The following FMN2 variants were observed in gnomAD, a reference collection of about 807,000 sequenced individuals.
FMN2 encodes formin-2.
Under a neutral mutation model 142.3 loss-of-function variants are expected in FMN2, and 51 were observed. The ratio of observed to expected loss-of-function variants is 0.36; its 90% confidence interval spans 0.29 to 0.45. The LOEUF (loss-of-function observed/expected upper bound fraction) is 0.45, where lower values mean the gene tolerates loss of function less well. FMN2 is among the 20% of genes least tolerant of loss of function. The pLI is 1.00. For synonymous variants in FMN2, 882 were observed against 869.8 expected (o/e 1.01, Z -0.25); for missense variants, 1,936 against 2,122.8 (o/e 0.91, Z 1.73).
intron 15 of FMN2, among the ~76,000 whole-genome samples, chr1:240,413,882 C>T (rs144887799): frequency 7.4e-4 from 113 of 152,266 alleles, no homozygotes; most frequent in African/African-American, 2.3e-3. Flanking sequence ...TAACAACTGC[C>T]GTGAGGCTCC....
intron 6 of FMN2, among the ~76,000 whole-genome samples, chr1:240,248,826 C>A (rs959793768): frequency 6.6e-6 from 1 of 151,916 alleles, no homozygotes; most frequent in Non-Finnish European, 1.5e-5. Flanking sequence ...TGATGTTGAG[C>A]AGTTTTTTTC....
At position 240,252,953 on chromosome 1, in the gene FMN2, C is replaced by CTTTTTTTTTTTTT. The variant is rs59902639; in HGVS notation, c.4066-4987_4066-4975dup. Among the ~76,000 whole-genome samples, 426 of 65,296 alleles carry CTTTTTTTTTTTTT rather than the reference C, an allele frequency of 6.5e-3. 108 individuals carry two copies. The highest frequency in any genetic ancestry group is 0.024 in the African/African-American group (350 of 14,718). The allele number at this position is 65,296 out of a possible 152,430, so 42.8% of individuals were successfully genotyped here. A position where few individuals can be genotyped will look rare whatever the true frequency, so the allele number is the denominator to read the frequency against. On this transcript the variant is annotated intron_variant, in intron 6 of 17. Transcript: ENST00000319653. ...CCCATGTGTGATGTAGTCTTGTTCACTTTTTTTTTTTTTTTTTGGAGACAG... is the reference window on the plus strand; with the variant it reads ...CCCATGTGTGATGTAGTCTTGTTCACTTTTTTTTTTTTTTTTTTTTTTTTTTTTTTGGAGACAG...
At chr1:240,222,205 A>G (rs1380648092) in intron 6 of FMN2, among the ~76,000 whole-genome samples, 1 of 152,084 alleles carries the variant, frequency 6.6e-6, no homozygotes, top group African/African-American at 2.4e-5. Context: ...AGTTTTCTGC[A>G]TATGGCTGCC....
At chr1:240,094,504 C>A (rs1368979488) in intron 1 of FMN2, among the ~76,000 whole-genome samples, 1 of 152,122 alleles carries the variant, frequency 6.6e-6, no homozygotes, top group South Asian at 2.1e-4. Flanking sequence ...TAGACTCATA[C>A]CCAGGGCGGC....
chr1:240,355,781 T>A, intron 13 of FMN2, 35 bp from the exon 14 acceptor site: 1 of 1,488,994 alleles, frequency 6.7e-7, no homozygotes, highest in Non-Finnish European at 9.3e-7. Flanking sequence ...CCACTAACAG[T>A]GTGACACTCT....
At chr1:240,304,745 A>T (rs1670320591) in intron 8 of FMN2, among the ~76,000 whole-genome samples, 2 of 152,164 alleles carry the variant, frequency 1.3e-5, no homozygotes, top group South Asian at 2.1e-4. Flanking sequence ...TTGGAAGGTG[A>T]GGACATTGGG....
chr1:240,270,648 G>T (rs549608752), intron 7 of FMN2, among the ~76,000 whole-genome samples: 2 of 151,852 alleles, frequency 1.3e-5, no homozygotes, highest in Non-Finnish European at 2.9e-5. Context: ...TATACACAAT[G>T]AAATACAATT....
In FMN2 at chr1:240,297,244, T is replaced by C. The variant is rs75620259; in HGVS notation, c.4215+2361T>C. Among the ~76,000 whole-genome samples the C allele has an allele frequency of 3.1e-3, 469 of 152,310 alleles. 3 individuals are homozygous for C. Among genetic ancestry groups the C allele is most frequent in the African/African-American group, 0.011 (445 of 41,568 alleles). On this transcript the variant is annotated intron_variant, in intron 8 of 17. Transcript: ENST00000319653. ...CTTATTTACACTTGATGTATTTATG[T>C]GTAGAAATATACCCAGAAAATACAG...
At chr1:240,346,551 G>A (rs958973805) in intron 13 of FMN2, among the ~76,000 whole-genome samples, 1 of 152,198 alleles carries the variant, frequency 6.6e-6, no homozygotes, top group Non-Finnish European at 1.5e-5. Flanking sequence ...GGGCCTGAGA[G>A]AGGGACAGAG....
chr1:240,238,213 G>T (rs1486388474), intron 6 of FMN2, among the ~76,000 whole-genome samples: 1 of 152,180 alleles, frequency 6.6e-6, no homozygotes, highest in Non-Finnish European at 1.5e-5. Context: ...TTAAAATAAG[G>T]TAATGATGAT....
chr1:240,238,303 A>T (rs1667776053), intron 6 of FMN2, among the ~76,000 whole-genome samples: 1 of 152,216 alleles, frequency 6.6e-6, no homozygotes, highest in Non-Finnish European at 1.5e-5. Context: ...TTCAATAGAG[A>T]TATTTATGAA....
chr1:240,207,896 G>A lies in FMN2; in HGVS notation c.3084G>A (p.Ala1028=), dbSNP rs201173147. ...CTCCTCCACCCCCTCTACCCGGAGC[G>A]GGCATACCCCCTCCGCCCCCACTTC... ...GIPPPPPLPG[A]GIPPPPPLPG... The change falls in exon 5 of 18, where the codon GCG becomes GCA. Residue 1028 remains alanine, a synonymous_variant. Transcript: ENST00000319653. 4.1e-5 allele frequency: 27 copies of A among 656,968 alleles called. No individual in the cohort carries two copies. Among genetic ancestry groups the A allele is most frequent in the South Asian group, 4.0e-4 (20 of 50,046 alleles). 40.7% of individuals were successfully genotyped at this position (656,968 alleles called of 1,614,324 possible).
intron 8 of FMN2, among the ~76,000 whole-genome samples, chr1:240,303,203 G>A (rs1406515178): frequency 1.3e-5 from 2 of 152,216 alleles, no homozygotes; most frequent in African/African-American, 2.4e-5. Flanking sequence ...CTTTGTCTTC[G>A]TCAAGTGAGA....
intron 5 of FMN2, 55 bp from the exon 6 acceptor site, chr1:240,211,036 C>T (rs1666671144): frequency 6.5e-7 from 1 of 1,528,998 alleles, no homozygotes; most frequent in African/African-American, 1.4e-5. Context: ...TTTATGCTTG[C>T]TGTGATGTAA....
chr1:240,336,553 C>CAAAAAAAAAA lies in FMN2; in HGVS notation c.4765+2344_4765+2353dup, dbSNP rs552135436. Among the ~76,000 whole-genome samples the CAAAAAAAAAA allele has an allele frequency of 7.9e-5, 4 of 50,522 alleles. No individual in the cohort carries two copies. The East Asian group carries it at 6.0e-3, about 75-fold the overall frequency. 33.1% of individuals were successfully genotyped at this position (50,522 alleles called of 152,430 possible). ...GTTAAAAGGACTTCATGGTATTCTC[C>CAAAAAAAAAA]AAAAAAAAAAAAAAAAAAAAAAAAA... is the stretch of plus-strand genomic sequence containing the variant. On this transcript the variant is annotated intron_variant, in intron 13 of 17. Transcript: ENST00000319653.
rs1341686769 is a variant in FMN2 at position 240,438,071 on chromosome 1, A to G, written c.4921A>G (p.Thr1641Ala). Residue 1641 changes from threonine to alanine, a missense_variant, in exon 16 of 18, where the codon ACC (threonine) becomes GCC (alanine). Physicochemically the swap from Thr to Ala is moderately conservative, Grantham distance 58. Coordinates refer to ENST00000319653, the MANE Select transcript of FMN2 (RefSeq NM_020066.5). ...LTETHKCFLETTAYFFMKPKL... is the reference protein window; with the variant it reads ...LTETHKCFLEATAYFFMKPKL... ...TGTATGATTTGACAGCTTTTTGGAG[A>G]CCACGGCATATTTCTTCATGAAACC... 6.2e-7 allele frequency: 1 copy of G among 1,612,378 alleles called. No homozygotes were observed. Among genetic ancestry groups the G allele is most frequent in the South Asian group, 1.1e-5 (1 of 90,494 alleles).
chr1:240,145,240 C>T, intron 2 of FMN2: 2 of 1,481,748 alleles, frequency 1.3e-6, no homozygotes, highest in Non-Finnish European at 1.9e-6. Flanking sequence ...CTTCCTCAGA[C>T]AGCTCCTGTT....
intron 8 of FMN2, among the ~76,000 whole-genome samples, chr1:240,297,718 C>G (rs1471722526): frequency 6.6e-6 from 1 of 151,706 alleles, no homozygotes; most frequent in Non-Finnish European, 1.5e-5. Context: ...AGAATCTTAT[C>G]TTACTTCATG....
In FMN2 at chr1:240,092,193, G is replaced by T; in HGVS notation, c.84G>T (p.Gly28=). Residue 28 remains glycine (G), a synonymous_variant, in exon 1 of 18, where the codon GGG becomes GGT. Transcript: ENST00000319653. ...GCGGTGGCGCCGAGGATGCGCTGGGGCCCAGGGATGTGGAAGCCACAAAGA... is the reference window on the plus strand; with the variant it reads ...GCGGTGGCGCCGAGGATGCGCTGGGTCCCAGGGATGTGGAAGCCACAAAGA... The part of the protein sequence containing the change: ...EGGGGAEDAL[G]PRDVEATKKG... 1 of 1,582,904 alleles carries T rather than the reference G, an allele frequency of 6.3e-7. No homozygotes were observed. Among genetic ancestry groups the T allele is most frequent in the Non-Finnish European group, 8.6e-7 (1 of 1,165,592 alleles).
Sources: gnomAD v4.1 joint callset for allele counts (sites outside exome capture counted in the v4.1 genomes callset) on GRCh38, gnomAD v4.1.1 for gene constraint, MANE v1.5 for transcripts, NCBI Gene and HGNC (gene_info 2026-07-23, HGNC 2026-07-21) for gene names.